NDUFV2: variants seen among roughly 807,000 people sequenced by gnomAD.
The protein encoded by NDUFV2 is NADH:ubiquinone oxidoreductase core subunit V2, also known as NADH dehydrogenase [ubiquinone] flavoprotein 2, mitochondrial.
In NDUFV2, 18 loss-of-function variants were observed where a neutral mutation model predicts 31.6. The observed-to-expected ratio is 0.57, with a 90% CI of 0.39 to 0.84. The LOEUF (loss-of-function observed/expected upper bound fraction) is 0.84, where lower values mean the gene tolerates loss of function less well. NDUFV2 is among the 40% of genes least tolerant of loss of function. The pLI is 0.00. For synonymous variants in NDUFV2, 83 were observed against 99.8 expected, an observed-to-expected ratio of 0.83 and a Z score of 1.01; for missense variants, 314 against 303.6, an observed-to-expected ratio of 1.03 and a Z score of -0.26.
intron 7 of NDUFV2, among the ~76,000 whole-genome samples, chr18:9,129,388 A>T (rs1484459545): frequency 2.0e-5 from 3 of 152,056 alleles, no homozygotes; most frequent in African/African-American, 4.8e-5. Flanking sequence ...CTCAACAGTA[A>T]TTTTTTTCAC....
At chr18:9,104,820 T>TG in intron 1 of NDUFV2, 1 of 967,170 alleles carries the variant, frequency 1.0e-6, no homozygotes, top group Non-Finnish European at 1.4e-6. Context: ...ACACACGTCA[T>TG]ACGTGTGTAG....
intron 1 of NDUFV2, among the ~76,000 whole-genome samples, chr18:9,106,264 C>T (rs746157187): frequency 6.6e-6 from 1 of 152,202 alleles, no homozygotes; most frequent in Non-Finnish European, 1.5e-5. Context: ...TCACTGAGGC[C>T]TGCCTTCAGG....
In NDUFV2 at chr18:9,119,384, A is replaced by AT; in HGVS notation, c.180dup (p.Lys61Ter). ...CCATTTGATTTCACACCAGAAAACT[A>AT]TAAGGTATGGCTAAATTAACATTAT... On this transcript the variant is annotated frameshift_variant, in exon 3 of 8. Coordinates refer to ENST00000318388, the MANE Select transcript of NDUFV2 (RefSeq NM_021074.5). LOFTEE classifies it high-confidence loss of function. 6.2e-7 allele frequency: 1 copy of AT among 1,610,186 alleles called. No homozygotes were observed. The highest frequency in any genetic ancestry group is 8.5e-7 in the Non-Finnish European group (1 of 1,176,496).
intron 1 of NDUFV2, among the ~76,000 whole-genome samples, chr18:9,107,287 T>C (rs2077846799): frequency 6.6e-6 from 1 of 152,248 alleles, no homozygotes; most frequent in African/African-American, 2.4e-5. Context: ...CCTTTCTCTT[T>C]GGGCACTGTT....
chr18:9,110,212 T>TG (rs1221271880), intron 1 of NDUFV2, among the ~76,000 whole-genome samples: 1 of 152,240 alleles, frequency 6.6e-6, no homozygotes, highest in Non-Finnish European at 1.5e-5. Context: ...GGTCCTGGAA[T>TG]GCCTCTTTAT....
chr18:9,130,803 T>G (rs1401646830), intron 7 of NDUFV2, among the ~76,000 whole-genome samples: 1 of 152,230 alleles, frequency 6.6e-6, no homozygotes, highest in African/African-American at 2.4e-5. Flanking sequence ...AGTAACTGAT[T>G]CCTGAGTACC....
At chr18:9,128,887 T>C (rs2078015325) in intron 7 of NDUFV2, among the ~76,000 whole-genome samples, 1 of 152,132 alleles carries the variant, frequency 6.6e-6, no homozygotes, top group Admixed American at 6.5e-5. Context: ...CTCTTCTGAT[T>C]AGATGTTTTG....
intron 1 of NDUFV2, among the ~76,000 whole-genome samples, chr18:9,107,469 C>T (rs907522050): frequency 1.3e-5 from 2 of 152,156 alleles, no homozygotes; most frequent in Admixed American, 1.3e-4. Context: ...TCTTTCATTA[C>T]AAAACATCAA....
chr18:9,129,790 G>C (rs181242150), intron 7 of NDUFV2, among the ~76,000 whole-genome samples: 13 of 152,258 alleles, frequency 8.5e-5, no homozygotes, highest in Admixed American at 4.6e-4. Context: ...GGAGATAAGG[G>C]CCCAGATAAG....
In NDUFV2 at chr18:9,125,002, AC is replaced by A. The variant is rs577497986; in HGVS notation, c.579+20del. 11 of 1,611,198 alleles carry A rather than the reference AC, an allele frequency of 6.8e-6. No individual in the cohort carries two copies. In the South Asian group the frequency reaches 1.1e-4, roughly 16 times the overall value. On this transcript the variant is annotated intron_variant, in intron 6 of 7. Transcript: ENST00000318388. ...TTACTATGTGAGTATTTCAGGTAATACAAGTTAAAGTTGTATGATGTCATAT... is the reference window on the plus strand; with the variant it reads ...TTACTATGTGAGTATTTCAGGTAATAAAGTTAAAGTTGTATGATGTCATAT...
chr18:9,129,488 GTGA>G lies in NDUFV2; in HGVS notation c.656+2584_656+2586del, dbSNP rs1399794132. On this transcript the variant is annotated intron_variant, in intron 7 of 7. Coordinates refer to ENST00000318388, the MANE Select transcript of NDUFV2 (RefSeq NM_021074.5). ...AGATAAAGTTCTCATATATCTTCTA[GTGA>G]TGGAGACAGATGACTAGTGTAATAT... Among the ~76,000 whole-genome samples the G allele has an allele frequency of 2.0e-5, 3 of 152,128 alleles. No homozygotes were observed. In the East Asian group the frequency reaches 5.8e-4, roughly 29 times the overall value.
At chr18:9,127,482 G>C (rs967625446) in intron 7 of NDUFV2, among the ~76,000 whole-genome samples, 2 of 151,788 alleles carry the variant, frequency 1.3e-5, no homozygotes, top group African/African-American at 4.8e-5. Context: ...TTTATATTTT[G>C]AGACGGAGTC....
chr18:9,104,178 G>A, intron 1 of NDUFV2: 5 of 1,612,672 alleles, frequency 3.1e-6, no homozygotes, highest in Non-Finnish European at 4.2e-6. Context: ...AGTCTTGTTG[G>A]CAAGAAAAAG....
At chr18:9,131,940 A>T (rs2078043763) in intron 7 of NDUFV2, among the ~76,000 whole-genome samples, 1 of 152,120 alleles carries the variant, frequency 6.6e-6, no homozygotes, top group Admixed American at 6.6e-5. Flanking sequence ...ATGTTTACAG[A>T]TGAAAGGGGG....
At position 9,134,324 on chromosome 18, in the gene NDUFV2, A is replaced by G; in HGVS notation, c.*45A>G. On this transcript the variant is annotated 3_prime_UTR_variant, in exon 8 of 8. Coordinates refer to ENST00000318388, the MANE Select transcript of NDUFV2 (RefSeq NM_021074.5). ...ATGTCACTAGAGAAATAAAATATGG[A>G]CTTCCAATCTACGTAAACTTATTTG... 7.2e-7 allele frequency: 1 copy of G among 1,385,390 alleles called. No homozygotes were observed. The highest frequency in any genetic ancestry group is 1.0e-6 in the Non-Finnish European group (1 of 974,700). 85.8% of individuals were successfully genotyped at this position (1,385,390 alleles called of 1,614,324 possible). A position where few individuals can be genotyped will look rare whatever the true frequency, so the allele number is the denominator to read the frequency against.
At chr18:9,125,374 C>G (rs893136564) in intron 6 of NDUFV2, among the ~76,000 whole-genome samples, 1 of 151,910 alleles carries the variant, frequency 6.6e-6, no homozygotes, top group African/African-American at 2.4e-5. Context: ...TCCTTTTATC[C>G]CCAGAGATAA....
At chr18:9,118,818 T>TTTG (rs956324500) in intron 2 of NDUFV2, among the ~76,000 whole-genome samples, 1 of 146,178 alleles carries the variant, frequency 6.8e-6, no homozygotes, top group Non-Finnish European at 1.5e-5. Flanking sequence ...TGGTGCTGTT[T>TTTG]TTTTTTTTTT....
At chr18:9,130,169 T>C (rs1164209963) in intron 7 of NDUFV2, among the ~76,000 whole-genome samples, 2 of 152,216 alleles carry the variant, frequency 1.3e-5, no homozygotes. Context: ...CATCAGTTAC[T>C]AAGGGTAGTA....
At chr18:9,134,128 T>C in intron 7 of NDUFV2, 58 bp from the exon 8 acceptor site, 2 of 1,361,130 alleles carry the variant, frequency 1.5e-6, no homozygotes, top group Non-Finnish European at 2.1e-6. Context: ...CCATTACAAT[T>C]TAAGTAAAAA....
Sources: gnomAD v4.1 joint callset for allele counts (sites outside exome capture counted in the v4.1 genomes callset) on GRCh38, gnomAD v4.1.1 for gene constraint, MANE v1.5 for transcripts, NCBI Gene and HGNC (gene_info 2026-07-23, HGNC 2026-07-21) for gene names.